Variants in BTNL9 observed in about 807,000 individuals in gnomAD.
The protein encoded by BTNL9 is butyrophilin like 9.
In BTNL9, 45 loss-of-function variants were observed where a neutral mutation model predicts 45.8. That is an observed-to-expected ratio of 0.98 (90% CI 0.77 to 1.26). BTNL9 has a LOEUF of 1.26. BTNL9 is among the 50% of genes most tolerant of loss of function. The pLI is 0.00. For missense variants in BTNL9, 784 were observed against 729.7 expected (o/e 1.07, Z -0.86); for synonymous variants, 346 against 330.8 (o/e 1.05, Z -0.50).
In BTNL9 at chr5:181,050,153, A is replaced by G; in HGVS notation, c.520A>G (p.Arg174Gly). 1 of 1,614,140 alleles carries G rather than the reference A, an allele frequency of 6.2e-7. No individual in the cohort carries two copies. The highest frequency in any genetic ancestry group is 2.2e-5 in the East Asian group (1 of 44,888). Residue 174 changes from arginine (R) to glycine (G), a missense_variant, in exon 4 of 11, where the codon AGA becomes GGA. By Grantham distance (125) the Arg-to-Gly change is moderately radical. Transcript: ENST00000327705. The surrounding 1 kb of genome is among the most constrained non-coding windows in gnomAD (Gnocchi z 4.9). ...FKEGGIQLRLRSSGWYPKPKV... is the reference protein window; with the variant it reads ...FKEGGIQLRLGSSGWYPKPKV... ...GGAAGGAGGCATTCAGCTGAGGCTC[A>G]GATCCAGTGGCTGGTACCCCAAGCC...
In BTNL9 at chr5:181,058,443, G is replaced by A. The variant is rs915279279; in HGVS notation, c.982+65G>A. On this transcript the variant is annotated intron_variant, in intron 10 of 10. Coordinates refer to ENST00000327705, the MANE Select transcript of BTNL9 (RefSeq NM_152547.5). ...CCGGATCTTAAACAGAAGGGAGGTG[G>A]AGAGATCTGAGATTAGAGGACGGGG... is the stretch of plus-strand genomic sequence containing the variant. 6.2e-6 allele frequency: 10 copies of A among 1,608,294 alleles called. No homozygotes were observed. The African/African-American group carries it at 1.1e-4, about 17-fold the overall frequency.
Position 181,060,546 on chromosome 5 carries a change from C to T in BTNL9, c.*684C>T, listed in dbSNP as rs1188125729. ...AATAATGACAGGAGAGATTATAACA[C>T]ACTGAATAAAAACATAATCCATGAG... is the stretch of plus-strand genomic sequence containing the variant. On this transcript the variant is annotated 3_prime_UTR_variant, in exon 11 of 11. Coordinates refer to ENST00000327705, the MANE Select transcript of BTNL9 (RefSeq NM_152547.5). 6.6e-6 allele frequency: 1 copy of T among 152,126 alleles called. No homozygotes were observed. The highest frequency in any genetic ancestry group is 1.5e-5 in the Non-Finnish European group (1 of 68,030). The allele number at this position is 152,126 out of a possible 1,614,324, so 9.4% of individuals were successfully genotyped here.
chr5:181,047,549 TG>T (rs1761249465), intron 2 of BTNL9: 1 of 963,448 alleles, frequency 1.0e-6, no homozygotes, highest in Non-Finnish European at 1.2e-6. Flanking sequence ...CAAATACGTA[TG>T]TTTTTTACTT....
At chr5:181,051,280 T>C (rs954598013) in intron 4 of BTNL9, among the ~76,000 whole-genome samples, 5 of 152,072 alleles carry the variant, frequency 3.3e-5, no homozygotes, top group Non-Finnish European at 5.9e-5. Context: ...AAGTTCATGG[T>C]TCTAATTGTT....
rs145358250 is a variant in BTNL9 at position 181,050,110 on chromosome 5, C to T, written c.477C>T (p.Leu159=). Reference sequence around the variant, plus strand: ...CAGGGCTGGGCTCAGACCCTCACCTCTCCCTTGAGGGCTTCAAGGAAGGAG... The same window carrying T: ...CAGGGCTGGGCTCAGACCCTCACCTTTCCCTTGAGGGCTTCAAGGAAGGAG... ...EVAGLGSDPH[L]SLEGFKEGGI... The change falls in exon 4 of 11, where the codon CTC becomes CTT. Residue 159 remains leucine (L), a synonymous_variant. Coordinates refer to ENST00000327705, the MANE Select transcript of BTNL9 (RefSeq NM_152547.5). The surrounding 1 kb of genome is among the most constrained non-coding windows in gnomAD (Gnocchi z 4.9). 3.0e-4 allele frequency: 481 copies of T among 1,613,950 alleles called. 3 individuals carry two copies. Among genetic ancestry groups the T allele is most frequent in the Middle Eastern group, 9.9e-4 (6 of 6,060 alleles).
At chr5:181,041,209 C>T (rs867617625) in intron 1 of BTNL9, among the ~76,000 whole-genome samples, 4 of 152,324 alleles carry the variant, frequency 2.6e-5, no homozygotes, top group Middle Eastern at 6.8e-3. Context: ...ACACTGGGAT[C>T]GCTCAGGACG....
At chr5:181,054,523 C>T in intron 7 of BTNL9, 1 of 985,474 alleles carries the variant, frequency 1.0e-6, no homozygotes, top group Non-Finnish European at 1.2e-6. Flanking sequence ...AAAACGTTTA[C>T]TGTCTCCGGT....
At chr5:181,045,038 T>C (rs956969616) in intron 1 of BTNL9, among the ~76,000 whole-genome samples, 1 of 152,086 alleles carries the variant, frequency 6.6e-6, no homozygotes, top group African/African-American at 2.4e-5. Context: ...GGGACGAAGG[T>C]TGGGTTGGTG....
chr5:181,048,362 C>G, intron 3 of BTNL9, 91 bp downstream of exon 3: 1 of 1,215,688 alleles, frequency 8.2e-7, no homozygotes, highest in Non-Finnish European at 1.1e-6. Context: ...AGAAGAATGT[C>G]GGTGATTTTT....
rs1290400833 is a variant in BTNL9 at position 181,053,380 on chromosome 5, G to T, written c.853+64G>T. 14 of 1,513,730 alleles carry T rather than the reference G, an allele frequency of 9.2e-6. No individual in the cohort carries two copies. The highest frequency in any genetic ancestry group is 1.2e-5 in the Non-Finnish European group (14 of 1,130,858). The allele number at this position is 1,513,730 out of a possible 1,614,324, so 93.8% of individuals were successfully genotyped here. ...CGGTGCTGAACCCCGGGGCCGCGGAGGCGCCTCCCCCCAGGACGCGGCGCG... is the reference window on the plus strand; with the variant it reads ...CGGTGCTGAACCCCGGGGCCGCGGATGCGCCTCCCCCCAGGACGCGGCGCG... On this transcript the variant is annotated intron_variant, in intron 5 of 10. Transcript: ENST00000327705. This position sits in a 1 kb window ranked among gnomAD's most constrained non-coding sequence, Gnocchi z 6.5.
chr5:181,046,006 C>G (rs866163757), intron 2 of BTNL9, among the ~76,000 whole-genome samples: 7 of 130,964 alleles, frequency 5.3e-5, no homozygotes, highest in South Asian at 2.8e-4. Context: ...ATCTCCCCAG[C>G]CCCCAACACC....
chr5:181,059,497 C>A lies in BTNL9; in HGVS notation c.1243C>A (p.Pro415Thr). 2 of 1,566,406 alleles carry A rather than the reference C, an allele frequency of 1.3e-6. No homozygotes were observed. The highest frequency in any genetic ancestry group is 2.4e-5 in the East Asian group (1 of 42,438). ...VPRAGPARLSPAAGYWVLGLW... is the reference protein window; with the variant it reads ...VPRAGPARLSTAAGYWVLGLW... ...GCGCGCGGGGCCTGCGCGCCTGAGC[C>A]CTGCGGCCGGCTACTGGGTGCTGGG... Residue 415 changes from proline to threonine, a missense_variant, in exon 11 of 11, where the codon CCT becomes ACT. Coordinates refer to ENST00000327705, the MANE Select transcript of BTNL9 (RefSeq NM_152547.5).
chr5:181,054,354 A>T (rs956305474), intron 7 of BTNL9, 95 bp downstream of exon 7: 2 of 1,576,928 alleles, frequency 1.3e-6, no homozygotes, highest in Admixed American at 1.9e-5. Context: ...GCGGCTGGCA[A>T]CTATCTAATT....
chr5:181,053,995 C>G lies in BTNL9; in HGVS notation c.887-244C>G. ...TTTGGGAGGCTCCGACCCTGATTTT[C>G]ACACTAGCAGGAGGGAGGGCGCTGG... On this transcript the variant is annotated intron_variant, in intron 6 of 10. Coordinates refer to ENST00000327705, the MANE Select transcript of BTNL9 (RefSeq NM_152547.5). This position sits in a 1 kb window ranked among gnomAD's most constrained non-coding sequence, Gnocchi z 6.5. 2 of 1,536,208 alleles carry G rather than the reference C, an allele frequency of 1.3e-6. No individual in the cohort carries two copies. Among genetic ancestry groups the G allele is most frequent in the Non-Finnish European group, 1.7e-6 (2 of 1,144,858 alleles).
intron 3 of BTNL9, among the ~76,000 whole-genome samples, chr5:181,048,883 A>G (rs943590827): frequency 3.6e-5 from 2 of 56,276 alleles, no homozygotes; most frequent in Non-Finnish European, 8.4e-5. Flanking sequence ...TATATAATAT[A>G]TCATATATAT....
Position 181,055,191 on chromosome 5 carries a change from T to C in BTNL9, c.908-242T>C, listed in dbSNP as rs538064547. On this transcript the variant is annotated intron_variant, in intron 7 of 10. Transcript: ENST00000327705. This position sits in a 1 kb window ranked among gnomAD's most constrained non-coding sequence, Gnocchi z 4.4. The stretch of plus-strand genomic sequence containing the variant: ...GGCCTGTCAGTACTAAGATCTGGTA[T>C]CCCTTCTAGGCTGTGTGCAGATTTC... The C allele has an allele frequency of 2.6e-3, 3,540 of 1,357,306 alleles. 84 individuals are homozygous for C. The African/African-American group carries it at 0.046, about 18-fold the overall frequency. 84.1% of individuals were successfully genotyped at this position (1,357,306 alleles called of 1,614,324 possible). A position where few individuals can be genotyped will look rare whatever the true frequency, so the allele number is the denominator to read the frequency against.
intron 2 of BTNL9, chr5:181,047,359 G>A (rs1213489545): frequency 7.1e-6 from 2 of 283,610 alleles, no homozygotes; most frequent in Non-Finnish European, 1.1e-5. Context: ...AACCTGTGGA[G>A]CAGGAAGCCC....
intron 7 of BTNL9, chr5:181,054,893 G>A (rs1761794724): frequency 1.0e-6 from 1 of 985,484 alleles, no homozygotes; most frequent in Non-Finnish European, 1.2e-6. Flanking sequence ...ACTATAGCAT[G>A]AATGCCTCTC....
intron 1 of BTNL9, among the ~76,000 whole-genome samples, chr5:181,044,003 CCTT>C (rs1398733850): frequency 6.6e-6 from 1 of 152,242 alleles, no homozygotes; most frequent in Non-Finnish European, 1.5e-5. Context: ...TGTCCTTGAA[CCTT>C]CTTGAAACAC....
Sources: allele counts gnomAD v4.1 joint callset (sites outside exome capture counted in the v4.1 genomes callset), GRCh38; gene constraint gnomAD v4.1.1; non-coding constraint Gnocchi (gnomAD v3.1); transcripts MANE v1.5; gene names NCBI Gene and HGNC (gene_info 2026-07-23, HGNC 2026-07-21).